The following THSD1 variants were observed in gnomAD, a reference collection of about 807,000 sequenced individuals.
THSD1 encodes thrombospondin type-1 domain-containing protein 1.
In THSD1, 34 loss-of-function variants were observed where a neutral mutation model predicts 46.3. The observed-to-expected ratio is 0.74, with a 90% CI of 0.56 to 0.98. The LOEUF is 0.98. Among genes scored for constraint, THSD1 ranks in the 50% least tolerant of loss-of-function variants. THSD1 has a pLI of 0.00. For missense variants in THSD1, 1,023 were observed against 1,058.3 expected (o/e 0.97, Z 0.46); for synonymous variants, 407 against 416.5 (o/e 0.98, Z 0.28).
intron 3 of THSD1, among the ~76,000 whole-genome samples, chr13:52,388,175 C>T (rs2137732971): frequency 2.0e-5 from 3 of 147,896 alleles, no homozygotes; most frequent in South Asian, 2.2e-4. Context: ...AAAGCTACCA[C>T]CCCAGTAAAA....
At chr13:52,385,715 AAGAAATG>A (rs1957726130) in intron 4 of THSD1, among the ~76,000 whole-genome samples, 1 of 152,258 alleles carries the variant, frequency 6.6e-6, no homozygotes. Context: ...AAATCTTATG[AAGAAATG>A]ATCCTTTCCC....
Position 52,377,975 on chromosome 13 carries a change from G to C in THSD1, c.1995C>G (p.Phe665Leu). The C allele has an allele frequency of 6.2e-7, 1 of 1,614,180 alleles. No homozygotes were observed. The highest frequency in any genetic ancestry group is 8.5e-7 in the Non-Finnish European group (1 of 1,180,032). The change falls in exon 5 of 5, where the codon TTC becomes TTG. Residue 665 changes from phenylalanine (F) to leucine (L), a missense_variant. Phe to Leu is a conservative substitution (Grantham distance 22, BLOSUM62 0). Around this residue, in one of 3 missense-constraint regions of THSD1, gnomAD observed 578 missense variants for 497.4 expected, o/e 1.16. Transcript: ENST00000258613. Reference protein sequence around the residue: ...SFHEARQARPFRERSMSTLTP... With the variant: ...SFHEARQARPLRERSMSTLTP... ...TCAGAGTGGACATGCTCCTCTCTCG[G>C]AACGGCCGGGCCTGCCTGGCTTCAT...
Position 52,392,874 on chromosome 13 carries a change from C to T in THSD1, c.1021+4358G>A, listed in dbSNP as rs143741788. 2.6e-5 allele frequency among the ~76,000 whole-genome samples: 4 copies of T among 152,332 alleles called. No individual in the cohort carries two copies. The East Asian group carries it at 5.8e-4, about 22-fold the overall frequency. Reference sequence around the variant, plus strand: ...TCAGATTTTCTTTGCATAGACAAGGCTTCCTTATATTGAACAAATCATACT... The same window carrying T: ...TCAGATTTTCTTTGCATAGACAAGGTTTCCTTATATTGAACAAATCATACT... On this transcript the variant is annotated intron_variant, in intron 3 of 4. Transcript: ENST00000258613.
chr13:52,391,920 C>T (rs1457206217), intron 3 of THSD1, among the ~76,000 whole-genome samples: 1 of 150,988 alleles, frequency 6.6e-6, no homozygotes, highest in Non-Finnish European at 1.5e-5. Flanking sequence ...AGGCCAGGCA[C>T]GGTGGCTCAT....
At chr13:52,380,132 G>A (rs1420078861) in intron 4 of THSD1, among the ~76,000 whole-genome samples, 3 of 151,826 alleles carry the variant, frequency 2.0e-5, no homozygotes, top group African/African-American at 7.3e-5. Context: ...TTTGTCCCAC[G>A]GTCATCAAAA....
At chr13:52,396,966 T>A (rs1312086820) in intron 3 of THSD1, among the ~76,000 whole-genome samples, 1 of 152,198 alleles carries the variant, frequency 6.6e-6, no homozygotes, top group Non-Finnish European at 1.5e-5. Flanking sequence ...GAGTGTTACA[T>A]GTTGATTTCG....
Position 52,397,984 on chromosome 13 carries a change from CA to C in THSD1, c.268del (p.Cys90AlafsTer14). Reference protein sequence around the residue: ...NQSQGTLKFECFYFKEAGDYW... With the variant: ...NQSQGTLKFEXFYFKEAGDYW... ...GTCACCAGCCTCCTTGAAATAGAAG[CA>C]CTCAAACTTTAGTGTTCCCTGGGAC... On this transcript the variant is annotated frameshift_variant, in exon 3 of 5. Coordinates refer to ENST00000258613, the MANE Select transcript of THSD1 (RefSeq NM_018676.4). LOFTEE classifies it high-confidence loss of function. 2 of 1,614,252 alleles carry C rather than the reference CA, an allele frequency of 1.2e-6. No homozygotes were observed. Among genetic ancestry groups the C allele is most frequent in the South Asian group, 2.2e-5 (2 of 91,088 alleles).
At chr13:52,396,772 T>A (rs934580360) in intron 3 of THSD1, among the ~76,000 whole-genome samples, 2 of 152,194 alleles carry the variant, frequency 1.3e-5, no homozygotes, top group African/African-American at 2.4e-5. Context: ...GCCCCATTCC[T>A]ATAATGAATG....
rs1385473492 is a variant in THSD1, at chr13:52,402,554, A to G, written c.47T>C (p.Leu16Pro). The change falls in exon 2 of 5, where the codon CTC becomes CCC. Residue 16 changes from leucine (L) to proline (P), a missense_variant. Around this residue, in one of 3 missense-constraint regions of THSD1, gnomAD observed 429 missense variants for 518.3 expected, o/e 0.83. Coordinates refer to ENST00000258613, the MANE Select transcript of THSD1 (RefSeq NM_018676.4). The stretch of plus-strand genomic sequence containing the variant: ...CTCACAATACTCACCATAGTCACAG[A>G]GTACCACCAACAATAGATTTGAAAA... ...KDFSNLLLVV[L>P]CDYVLGEAEY... 1 of 1,613,902 alleles carries G rather than the reference A, an allele frequency of 6.2e-7. No individual in the cohort carries two copies. The highest frequency in any genetic ancestry group is 8.5e-7 in the Non-Finnish European group (1 of 1,179,868).
At chr13:52,384,410 C>A in intron 4 of THSD1, 1 of 455,926 alleles carries the variant, frequency 2.2e-6, no homozygotes, top group Middle Eastern at 3.3e-4. Context: ...CCTCCCTATC[C>A]CACAGGGTCC....
intron 1 of THSD1, chr13:52,403,093 A>G (rs570304483): frequency 8.3e-4 from 368 of 443,452 alleles, no homozygotes; most frequent in Non-Finnish European, 1.1e-3. Flanking sequence ...TTAATTTAGC[A>G]TTGTGCTGTG....
At chr13:52,403,664 G>A (rs1052672726) in intron 1 of THSD1, among the ~76,000 whole-genome samples, 6 of 152,070 alleles carry the variant, frequency 3.9e-5, no homozygotes, top group Admixed American at 3.9e-4. Context: ...GGTATTTTTA[G>A]TAGAAACGGG....
rs1243849852 is a variant in THSD1 at position 52,378,513 on chromosome 13, G to A, written c.1457C>T (p.Thr486Met). 1.9e-6 allele frequency: 3 copies of A among 1,614,122 alleles called. No individual in the cohort carries two copies. Among genetic ancestry groups the A allele is most frequent in the African/African-American group, 1.3e-5 (1 of 75,046 alleles). ...GSFSDGGDGP[T>M]GSPGDTGIPL... is the part of the protein sequence containing the mutation. Reference sequence around the variant, plus strand: ...GATGCCTGTGTCCCCTGGACTCCCCGTGGGCCCGTCTCCCCCATCCGAGAA... The same window carrying A: ...GATGCCTGTGTCCCCTGGACTCCCCATGGGCCCGTCTCCCCCATCCGAGAA... The change falls in exon 5 of 5, where the codon ACG becomes ATG. Residue 486 changes from threonine (T) to methionine (M), a missense_variant. Physicochemically the swap from Thr to Met is moderately conservative, Grantham distance 81. This residue lies in a region of THSD1 where 578 missense variants were observed against 497.4 expected (regional missense o/e 1.16). Coordinates refer to ENST00000258613, the MANE Select transcript of THSD1 (RefSeq NM_018676.4).
At chr13:52,402,494 T>G (rs780880355) in intron 2 of THSD1, 49 bp downstream of exon 2, 1 of 1,570,372 alleles carries the variant, frequency 6.4e-7, no homozygotes, top group Non-Finnish European at 8.8e-7. Flanking sequence ...TAATGTCATC[T>G]TTATGTCTTA....
At chr13:52,389,714 G>T (rs1342521541) in intron 3 of THSD1, among the ~76,000 whole-genome samples, 1 of 152,066 alleles carries the variant, frequency 6.6e-6, no homozygotes, top group Non-Finnish European at 1.5e-5. Flanking sequence ...CCTAAATGAG[G>T]ATGTACCTAA....
At chr13:52,382,765 C>G (rs1224870255) in intron 4 of THSD1, among the ~76,000 whole-genome samples, 4 of 152,170 alleles carry the variant, frequency 2.6e-5, no homozygotes, top group Admixed American at 6.5e-5. Context: ...CTTTGGGAGG[C>G]TGAAGTGGGT....
chr13:52,385,316 C>A (rs1957722595), intron 4 of THSD1, among the ~76,000 whole-genome samples: 1 of 152,264 alleles, frequency 6.6e-6, no homozygotes, highest in Admixed American at 6.5e-5. Flanking sequence ...GTGGAAAAAG[C>A]AAGGACTATT....
chr13:52,402,974 T>C, intron 1 of THSD1: 1 of 984,264 alleles, frequency 1.0e-6, no homozygotes. Flanking sequence ...GAGAGTTTAT[T>C]GTTATTTGCT....
chr13:52,378,666 A>G lies in THSD1; in HGVS notation c.1304T>C (p.Leu435Pro), dbSNP rs1436660859. The G allele has an allele frequency of 6.2e-7, 1 of 1,613,986 alleles. No individual in the cohort carries two copies. Among genetic ancestry groups the G allele is most frequent in the African/African-American group, 1.3e-5 (1 of 74,892 alleles). ...FIIIATVLIT[L>P]WRRFGRPAKC... is the part of the protein sequence containing the mutation. ...GGCTGGCCGGCCGAACCTCCTCCACAGCGTGATGAGCACAGTGGCAATGAT... is the reference window on the plus strand; with the variant it reads ...GGCTGGCCGGCCGAACCTCCTCCACGGCGTGATGAGCACAGTGGCAATGAT... The change falls in exon 5 of 5, where the codon CTG (leucine) becomes CCG (proline). Residue 435 changes from leucine to proline, a missense_variant. Coordinates refer to ENST00000258613, the MANE Select transcript of THSD1 (RefSeq NM_018676.4).
Sources: allele counts gnomAD v4.1 joint callset (sites outside exome capture counted in the v4.1 genomes callset), GRCh38; gene constraint gnomAD v4.1.1; regional missense constraint gnomAD v4.1.1; transcripts MANE v1.5; gene names NCBI Gene and HGNC (gene_info 2026-07-23, HGNC 2026-07-21).